HNF1A: variants seen among roughly 807,000 people sequenced by gnomAD.
HNF1A encodes the protein HNF1 homeobox A, also known as hepatocyte nuclear factor 1-alpha.
A neutral mutation model predicts 62.2 loss-of-function variants in HNF1A; 21 were observed. That is an observed-to-expected ratio of 0.34 (90% CI 0.24 to 0.49). The LOEUF is 0.49. Among genes scored for constraint, HNF1A ranks in the 20% least tolerant of loss-of-function variants. HNF1A has a pLI of 0.99. For synonymous variants in HNF1A, 374 were observed against 366.8 expected (o/e 1.02, Z -0.22); for missense variants, 687 against 832.3 (o/e 0.83, Z 2.15).
rs371717826 is a variant in HNF1A, at chr12:120,996,569, C to G, written c.1136C>G (p.Pro379Arg). Reference sequence around the variant, plus strand: ...TCAGCAGCTGGGGGCCCCCTCCCCCCTGTCAGCACCCTGACAGCACTGCAC... The same window carrying G: ...TCAGCAGCTGGGGGCCCCCTCCCCCGTGTCAGCACCCTGACAGCACTGCAC... ...LVSAAGGPLP[P>R]VSTLTALHSL... The change falls in exon 6 of 10, where the codon CCT becomes CGT. Residue 379 changes from proline (P) to arginine (R), a missense_variant. By Grantham distance (103) the Pro-to-Arg change is moderately radical. Transcript: ENST00000257555. The surrounding 1 kb of genome is among the most constrained non-coding windows in gnomAD (Gnocchi z 4.5). 4 of 1,613,864 alleles carry G rather than the reference C, an allele frequency of 2.5e-6. No homozygotes were observed. The highest frequency in any genetic ancestry group is 1.7e-5 in the Admixed American group (1 of 59,998).
At chr12:120,999,419 G>A (rs2135851009) in intron 8 of HNF1A, 30 bp downstream of exon 8, 5 of 1,613,592 alleles carry the variant, frequency 3.1e-6, no homozygotes, top group Non-Finnish European at 4.2e-6. Context: ...GCCCTCCCTT[G>A]GCCTGTGACA....
At chr12:120,984,994 G>A (rs574409234) in intron 1 of HNF1A, among the ~76,000 whole-genome samples, 8 of 146,716 alleles carry the variant, frequency 5.5e-5, no homozygotes, top group African/African-American at 2.0e-4. Context: ...CGCCAAGGCT[G>A]GAGTGCAGTG....
At position 121,001,928 on chromosome 12, in the gene HNF1A, T is replaced by C. The variant is rs1311390510; in HGVS notation, c.*736T>C. 1 of 521,942 alleles carries C rather than the reference T, an allele frequency of 1.9e-6. No individual in the cohort carries two copies. Among genetic ancestry groups the C allele is most frequent in the Non-Finnish European group, 3.7e-6 (1 of 269,164 alleles). 32.3% of individuals were successfully genotyped at this position (521,942 alleles called of 1,614,324 possible). A position where few individuals can be genotyped will look rare whatever the true frequency, so the allele number is the denominator to read the frequency against. ...TATTTGTTCCCAAGAGCATCATGCC[T>C]CTGAGGCCAGCCTGGCCTCCTGCCT... On this transcript the variant is annotated 3_prime_UTR_variant, in exon 10 of 10. Transcript: ENST00000257555.
intron 1 of HNF1A, among the ~76,000 whole-genome samples, chr12:120,988,019 C>T (rs1317349643): frequency 6.7e-6 from 1 of 149,604 alleles, no homozygotes; most frequent in Non-Finnish European, 1.5e-5. Context: ...TACCCACCCA[C>T]CCACCAATCC....
In HNF1A at chr12:120,996,853, A is replaced by G. The variant is rs1479477937; in HGVS notation, c.1309+111A>G. ...TCATTCATTCATTCATACAACATGT[A>G]TTTATCCAGTGCCTACTCTGGACCA... is the stretch of plus-strand genomic sequence containing the variant. On this transcript the variant is annotated intron_variant, in intron 6 of 9. Transcript: ENST00000257555. The surrounding 1 kb of genome is among the most constrained non-coding windows in gnomAD (Gnocchi z 4.5). 1.2e-6 allele frequency: 1 copy of G among 828,372 alleles called. No homozygotes were observed. The highest frequency in any genetic ancestry group is 1.8e-5 in the African/African-American group (1 of 55,328). The allele number at this position is 828,372 out of a possible 1,614,324, so 51.3% of individuals were successfully genotyped here. A position where few individuals can be genotyped will look rare whatever the true frequency, so the allele number is the denominator to read the frequency against.
chr12:120,979,317 A>T (rs763214370), intron 1 of HNF1A, among the ~76,000 whole-genome samples: 1 of 152,224 alleles, frequency 6.6e-6, no homozygotes, highest in Admixed American at 6.5e-5. Context: ...CCATGAGCCC[A>T]GGCCTTTAGC....
In HNF1A at chr12:121,001,369, A is replaced by G. The variant is rs1433839189; in HGVS notation, c.*177A>G. 7.8e-6 allele frequency: 6 copies of G among 768,828 alleles called. No homozygotes were observed. The highest frequency in any genetic ancestry group is 1.7e-5 in the African/African-American group (1 of 57,714). 47.6% of individuals were successfully genotyped at this position (768,828 alleles called of 1,614,324 possible). On this transcript the variant is annotated 3_prime_UTR_variant, in exon 10 of 10. Transcript: ENST00000257555. ...AAAGGGAGGGCTCTGAGGCGCCCCAACCCGTGGAGGCTGCTCGGGGTGCAC... is the reference window on the plus strand; with the variant it reads ...AAAGGGAGGGCTCTGAGGCGCCCCAGCCCGTGGAGGCTGCTCGGGGTGCAC...
intron 2 of HNF1A, among the ~76,000 whole-genome samples, chr12:120,992,821 C>T (rs1565885291): frequency 6.6e-6 from 1 of 152,108 alleles, no homozygotes; most frequent in East Asian, 1.9e-4. Flanking sequence ...TAGTCCTAGC[C>T]ACTTATGCCC....
intron 7 of HNF1A, 39 bp downstream of exon 7, chr12:120,997,704 A>G: frequency 6.3e-7 from 1 of 1,580,982 alleles, no homozygotes; most frequent in Non-Finnish European, 8.6e-7. Flanking sequence ...AGATGATGAT[A>G]GAGGTTGGCT....
intron 1 of HNF1A, among the ~76,000 whole-genome samples, chr12:120,983,712 A>T (rs191301667): frequency 1.6e-4 from 25 of 151,850 alleles, no homozygotes; most frequent in African/African-American, 5.8e-4. Context: ...CACCCAGCTA[A>T]TTTTTGTATT....
chr12:120,994,287 C>T lies in HNF1A; in HGVS notation c.837C>T (p.His279=), dbSNP rs955710491. 8 of 1,613,232 alleles carry T rather than the reference C, an allele frequency of 5.0e-6. No homozygotes were observed. Among genetic ancestry groups the T allele is most frequent in the Non-Finnish European group, 6.8e-6 (8 of 1,179,680 alleles). The change falls in exon 4 of 10, where the codon CAC becomes CAT. Residue 279 remains histidine (H), a synonymous_variant. Transcript: ENST00000257555. ...ANRRKEEAFR[H]KLAMDTYSGP... ...GGCGCAAAGAAGAAGCCTTCCGGCA[C>T]AAGCTGGCCATGGACACGTACAGCG...
chr12:120,978,864 G>T lies in HNF1A; in HGVS notation c.96G>T (p.Glu32Asp). 1 of 1,613,462 alleles carries T rather than the reference G, an allele frequency of 6.2e-7. No individual in the cohort carries two copies. Residue 32 changes from glutamate to aspartate, a missense_variant, in exon 1 of 10, where the codon GAG (glutamate) becomes GAT (aspartate). Physicochemically the swap from Glu to Asp is conservative, Grantham distance 45. Coordinates refer to ENST00000257555, the MANE Select transcript of HNF1A (RefSeq NM_000545.8). ...SKEALIQALG[E>D]PGPYLLAGEG... The stretch of plus-strand genomic sequence containing the variant: ...AGGCACTGATCCAGGCACTGGGTGA[G>T]CCGGGGCCCTACCTCCTGGCTGGAG...
intron 1 of HNF1A, among the ~76,000 whole-genome samples, chr12:120,982,614 C>T (rs148507926): frequency 1.9e-3 from 293 of 152,266 alleles, no homozygotes; most frequent in South Asian, 4.1e-3. Context: ...CCCTTGTCCA[C>T]AGGGTTAAAT....
chr12:121,001,668 C>T lies in HNF1A; in HGVS notation c.*476C>T, dbSNP rs980203027. On this transcript the variant is annotated 3_prime_UTR_variant, in exon 10 of 10. Transcript: ENST00000257555. ...CTTGTTCTGTCACCAATGTACCCAC[C>T]GGGCCACTCCTTCCTGCCCCAACTC... The T allele has an allele frequency of 1.5e-5, 7 of 462,426 alleles. No individual in the cohort carries two copies. The highest frequency in any genetic ancestry group is 3.8e-5 in the South Asian group (2 of 52,732). The allele number at this position is 462,426 out of a possible 1,614,324, so 28.6% of individuals were successfully genotyped here.
At chr12:120,997,028 G>C (rs1278260125) in intron 6 of HNF1A, 3 of 1,475,528 alleles carry the variant, frequency 2.0e-6, no homozygotes, top group Admixed American at 5.0e-5. Flanking sequence ...GCAGGGTAAG[G>C]GGGACTGATG....
intron 1 of HNF1A, among the ~76,000 whole-genome samples, chr12:120,982,462 G>C (rs994297952): frequency 4.0e-5 from 6 of 151,608 alleles, no homozygotes; most frequent in African/African-American, 1.5e-4. Flanking sequence ...ACGGCAGGAG[G>C]GGGGGGGGAC....
Position 120,997,476 on chromosome 12 carries a change from C to T in HNF1A, c.1312C>T (p.Leu438=). Residue 438 remains leucine, a splice_region_variant and synonymous_variant, in exon 7 of 10, where the codon CTG becomes TTG. Coordinates refer to ENST00000257555, the MANE Select transcript of HNF1A (RefSeq NM_000545.8). ...GATTCCCTCCCCTTCCACTCCAGGC[C>T]TGGCCTCCACGCAGGCACAGAGTGT... The part of the protein sequence containing the change: ...NTGASTLVIG[L]ASTQAQSVPV... 2 of 1,605,722 alleles carry T rather than the reference C, an allele frequency of 1.2e-6. No homozygotes were observed. Among genetic ancestry groups the T allele is most frequent in the Non-Finnish European group, 1.7e-6 (2 of 1,177,156 alleles).
chr12:120,993,382 A>G, intron 2 of HNF1A, 138 bp from the exon 3 acceptor site: 1 of 803,724 alleles, frequency 1.2e-6, no homozygotes, highest in South Asian at 1.5e-5. Context: ...AGTAGATTAG[A>G]TGATTTCTAA....
In HNF1A at chr12:121,001,899, C is replaced by T. The variant is rs980336661; in HGVS notation, c.*707C>T. The T allele has an allele frequency of 9.8e-6, 5 of 512,632 alleles. No homozygotes were observed. The highest frequency in any genetic ancestry group is 9.4e-5 in the Admixed American group (4 of 42,358). 31.8% of individuals were successfully genotyped at this position (512,632 alleles called of 1,614,324 possible). ...CCCAGGCCCCATGACCTCCAGCTTT[C>T]CTGTATTTGTTCCCAAGAGCATCAT... is the stretch of plus-strand genomic sequence containing the variant. On this transcript the variant is annotated 3_prime_UTR_variant, in exon 10 of 10. Transcript: ENST00000257555.
Sources: allele counts gnomAD v4.1 joint callset (sites outside exome capture counted in the v4.1 genomes callset), GRCh38; gene constraint gnomAD v4.1.1; non-coding constraint Gnocchi (gnomAD v3.1); transcripts MANE v1.5; gene names NCBI Gene and HGNC (gene_info 2026-07-23, HGNC 2026-07-21).